Variants in MEGF8 observed in about 807,000 individuals in gnomAD.
MEGF8 encodes the protein multiple epidermal growth factor-like domains protein 8.
MEGF8 carries 156 observed loss-of-function variants against 302.9 expected under a neutral mutation model. That is an observed-to-expected ratio of 0.52 (90% confidence interval 0.45 to 0.59). The LOEUF (loss-of-function observed/expected upper bound fraction) is 0.59, where lower values mean the gene tolerates loss of function less well. MEGF8 is among the 20% of genes least tolerant of loss of function. The probability of loss-of-function intolerance (pLI) is 0.00; values close to 1 mark genes in which losing one functional copy is unlikely to be tolerated. For synonymous variants in MEGF8, 1,621 were observed against 1,660.5 expected, an observed-to-expected ratio of 0.98 and a Z score of 0.58; for missense variants, 3,345 against 3,964.5, an observed-to-expected ratio of 0.84 and a Z score of 4.20.
chr19:42,335,458 C>G (rs921013255), intron 5 of MEGF8, 73 bp downstream of exon 5: 13 of 1,353,810 alleles, frequency 9.6e-6, no homozygotes, highest in African/African-American at 1.4e-5. Flanking sequence ...CCGGAATGAT[C>G]CCCTATCACC....
In MEGF8 at chr19:42,352,286, C is replaced by T. The variant is rs373122915; in HGVS notation, c.3180C>T (p.Pro1060=). The T allele has an allele frequency of 1.9e-5, 30 of 1,568,540 alleles. No homozygotes were observed. The highest frequency in any genetic ancestry group is 1.7e-4 in the Middle Eastern group (1 of 5,916). ...GGGTGGGGGAGGGCCTGGGGCTTCC[C>T]GTGGCCCTCCCTGCCCGCTGGGCAT... is the stretch of plus-strand genomic sequence containing the variant. ...SLWVGEGLGL[P]VALPARWAYA... Residue 1060 remains proline, a synonymous_variant, in exon 19 of 42, where the codon CCC becomes CCT. Transcript: ENST00000251268. This position sits in a 1 kb window ranked among gnomAD's most constrained non-coding sequence, Gnocchi z 4.4.
intron 8 of MEGF8, among the ~76,000 whole-genome samples, chr19:42,338,485 G>T (rs538361879): frequency 6.6e-6 from 1 of 151,894 alleles, no homozygotes; most frequent in African/African-American, 2.4e-5. Flanking sequence ...CAGGTGATCC[G>T]CCCACCTCGG....
Position 42,333,761 on chromosome 19 carries a change from C to T in MEGF8, c.344C>T (p.Ser115Leu). ...STRPPPIEASSGKMLLHLFSD... is the reference protein window; with the variant it reads ...STRPPPIEASLGKMLLHLFSD... The stretch of plus-strand genomic sequence containing the variant: ...CGACCTCCGCCCATCGAAGCTTCCT[C>T]AGGCAAGGTTAGTGGGGATGGGGCC... The change falls in exon 2 of 42, where the codon TCA (serine) becomes TTA (leucine). Residue 115 changes from serine to leucine, a missense_variant. By Grantham distance (145) the Ser-to-Leu change is moderately radical (BLOSUM62 -2). Transcript: ENST00000251268. The T allele has an allele frequency of 1.2e-6, 2 of 1,613,788 alleles. No individual in the cohort carries two copies. Among genetic ancestry groups the T allele is most frequent in the Non-Finnish European group, 1.7e-6 (2 of 1,179,806 alleles).
chr19:42,359,976 C>T (rs2039508243), intron 31 of MEGF8, among the ~76,000 whole-genome samples: 2 of 151,254 alleles, frequency 1.3e-5, no homozygotes, highest in Admixed American at 6.6e-5. Flanking sequence ...ATTTAATTCC[C>T]TTTTTCTCTT....
rs1302406907 is a variant in MEGF8 at position 42,369,266 on chromosome 19, G to A, written c.6641+264G>A. On this transcript the variant is annotated intron_variant, in intron 37 of 41. Transcript: ENST00000251268. The surrounding 1 kb of genome is among the most constrained non-coding windows in gnomAD (Gnocchi z 5.7). ...AGGCCGAGGCAGGTGGATCACTTAA[G>A]GCCAGGAGTTCGAGACCAGTCCACA... Among the ~76,000 whole-genome samples, 1 of 152,174 alleles carries A rather than the reference G, an allele frequency of 6.6e-6. No homozygotes were observed. The highest frequency in any genetic ancestry group is 1.5e-5 in the Non-Finnish European group (1 of 68,032).
chr19:42,343,948 C>G lies in MEGF8; in HGVS notation c.1669-6C>G, dbSNP rs1406851529. The stretch of plus-strand genomic sequence containing the variant: ...CCTCCCCCTCTGTCCCCTTGCCTCC[C>G]TGCAGTACCACTTGGACTACTGCTC... On this transcript the variant is annotated splice_region_variant and splice_polypyrimidine_tract_variant and intron_variant, in intron 9 of 41. Coordinates refer to ENST00000251268, the MANE Select transcript of MEGF8 (RefSeq NM_001271938.2). The G allele has an allele frequency of 6.2e-7, 1 of 1,613,228 alleles. No individual in the cohort carries two copies. Among genetic ancestry groups the G allele is most frequent in the Non-Finnish European group, 8.5e-7 (1 of 1,179,442 alleles).
rs746615045 is a variant in MEGF8, at chr19:42,375,798, G to A, written c.7561G>A (p.Val2521Ile). 21 of 1,612,786 alleles carry A rather than the reference G, an allele frequency of 1.3e-5. No individual in the cohort carries two copies. Among genetic ancestry groups the A allele is most frequent in the Admixed American group, 3.3e-5 (2 of 59,972 alleles). ...GGTCCGTGTGGCCCCTGACACTGGC[G>A]TCCATACTGTACACATCCAGCCACC... ...FVVRVAPDTG[V>I]HTVHIQPPPA... The change falls in exon 42 of 42, where the codon GTC (valine) becomes ATC (isoleucine). Residue 2521 changes from valine (V) to isoleucine (I), a missense_variant. By Grantham distance (29) the Val-to-Ile change is conservative (BLOSUM62 3). Transcript: ENST00000251268. This position sits in a 1 kb window ranked among gnomAD's most constrained non-coding sequence, Gnocchi z 7.1.
chr19:42,349,080 G>T (rs2039331178), intron 13 of MEGF8, among the ~76,000 whole-genome samples: 2 of 152,108 alleles, frequency 1.3e-5, no homozygotes, highest in Non-Finnish European at 2.9e-5. Flanking sequence ...CAGGTGGATT[G>T]CCTGAACCCA....
Position 42,357,326 on chromosome 19 carries a change from G to T in MEGF8, c.4831-78G>T. 1 of 1,514,208 alleles carries T rather than the reference G, an allele frequency of 6.6e-7. No homozygotes were observed. The highest frequency in any genetic ancestry group is 9.0e-7 in the Non-Finnish European group (1 of 1,111,460). 93.8% of individuals were successfully genotyped at this position (1,514,208 alleles called of 1,614,324 possible). On this transcript the variant is annotated intron_variant, in intron 27 of 41. Coordinates refer to ENST00000251268, the MANE Select transcript of MEGF8 (RefSeq NM_001271938.2). The surrounding 1 kb of genome is among the most constrained non-coding windows in gnomAD (Gnocchi z 5.2). Reference sequence around the variant, plus strand: ...TTAGTACTTCAGGGAGGACTGTGGGGGGCTGAGGCTCGCTTCTACCCACAA... The same window carrying T: ...TTAGTACTTCAGGGAGGACTGTGGGTGGCTGAGGCTCGCTTCTACCCACAA...
chr19:42,349,302 GAAAAAA>G (rs1268884391), intron 13 of MEGF8, among the ~76,000 whole-genome samples, 191 bp from the exon 14 acceptor site: 1 of 57,026 alleles, frequency 1.8e-5, no homozygotes, highest in Non-Finnish European at 4.1e-5. Flanking sequence ...CCTGTCTCAA[GAAAAAA>G]AAAAAAAAAA....
At chr19:42,360,079 C>A (rs1011184131) in intron 31 of MEGF8, among the ~76,000 whole-genome samples, 1 of 148,836 alleles carries the variant, frequency 6.7e-6, no homozygotes, top group South Asian at 2.1e-4. Flanking sequence ...AGGTGAAAGT[C>A]ACATAACATA....
At chr19:42,341,739 G>T (rs1462434673) in intron 8 of MEGF8, among the ~76,000 whole-genome samples, 2 of 152,096 alleles carry the variant, frequency 1.3e-5, no homozygotes, top group Non-Finnish European at 1.5e-5. Flanking sequence ...GAACTACCAC[G>T]CCCAGACATA....
chr19:42,358,787 C>T lies in MEGF8; in HGVS notation c.5176C>T (p.Arg1726Ter), dbSNP rs760169784. 13 of 1,540,652 alleles carry T rather than the reference C, an allele frequency of 8.4e-6. No individual in the cohort carries two copies. The East Asian group carries it at 1.4e-4, about 16-fold the overall frequency. ...CCCAGGACGCCCCCACTGTCACTAG[C>T]GAGATCGTATGAGGAATGTGCGTGG... ...SLLAPSQGAK[R>*]DRMRNVRGSS... Residue 1726 changes from arginine to a stop codon, truncating the protein, a stop_gained and splice_region_variant, in exon 30 of 42, where the codon CGA (arginine) becomes TGA (stop). Coordinates refer to ENST00000251268, the MANE Select transcript of MEGF8 (RefSeq NM_001271938.2). LOFTEE classifies it high-confidence loss of function. This position sits in a 1 kb window ranked among gnomAD's most constrained non-coding sequence, Gnocchi z 4.4.
rs1177703345 is a variant in MEGF8, at chr19:42,357,524, G to C, written c.4951G>C (p.Glu1651Gln). The change falls in exon 28 of 42, where the codon GAG becomes CAG. Residue 1651 changes from glutamate (E) to glutamine (Q), a missense_variant. Physicochemically the swap from Glu to Gln is conservative, Grantham distance 29 (BLOSUM62 2). Coordinates refer to ENST00000251268, the MANE Select transcript of MEGF8 (RefSeq NM_001271938.2). The surrounding 1 kb of genome is among the most constrained non-coding windows in gnomAD (Gnocchi z 5.2). The stretch of plus-strand genomic sequence containing the variant: ...AAATGGCTTCAACCAGCAGCTGCTG[G>C]AGTACCAGCTGGCAACCGGCACCTG... ...PENGFNQQLL[E>Q]YQLATGTWVS... is the part of the protein sequence containing the mutation. 1.9e-6 allele frequency: 3 copies of C among 1,613,606 alleles called. No individual in the cohort carries two copies. The South Asian group carries it at 3.3e-5, about 18-fold the overall frequency.
chr19:42,349,180 G>T (rs2039332661), intron 13 of MEGF8, among the ~76,000 whole-genome samples: 1 of 151,950 alleles, frequency 6.6e-6, no homozygotes, highest in African/African-American at 2.4e-5. Context: ...TGCACCTGTA[G>T]TCCCAGCTAT....
In MEGF8 at chr19:42,326,291, C is replaced by A. The variant is rs777922711; in HGVS notation, c.48C>A (p.Ala16=). 1 of 1,561,530 alleles carries A rather than the reference C, an allele frequency of 6.4e-7. No homozygotes were observed. Among genetic ancestry groups the A allele is most frequent in the South Asian group, 1.2e-5 (1 of 84,350 alleles). The change falls in exon 1 of 42, where the codon GCC becomes GCA. Residue 16 remains alanine, a synonymous_variant. Transcript: ENST00000251268. ...VLAMALVLAL[A]VLGSLSPGAR... Reference sequence around the variant, plus strand: ...CCATGGCACTGGTTTTGGCCTTGGCCGTGCTGGGGTCGCTGTCCCCTGGGG... The same window carrying A: ...CCATGGCACTGGTTTTGGCCTTGGCAGTGCTGGGGTCGCTGTCCCCTGGGG...
Position 42,353,342 on chromosome 19 carries a change from A to G in MEGF8, c.3551-123A>G. On this transcript the variant is annotated intron_variant, in intron 20 of 41. Transcript: ENST00000251268. This position sits in a 1 kb window ranked among gnomAD's most constrained non-coding sequence, Gnocchi z 6.1. ...CTCTTGGGACTTGCTGTTTCCCCTG[A>G]TCTGGGCCTTGGTTTCTCACCTTTG... 8.2e-7 allele frequency: 1 copy of G among 1,215,096 alleles called. No individual in the cohort carries two copies. Among genetic ancestry groups the G allele is most frequent in the Non-Finnish European group, 1.1e-6 (1 of 873,216 alleles). The allele number at this position is 1,215,096 out of a possible 1,614,324, so 75.3% of individuals were successfully genotyped here. A position where few individuals can be genotyped will look rare whatever the true frequency, so the allele number is the denominator to read the frequency against.
Position 42,351,070 on chromosome 19 carries a change from G to A in MEGF8, c.2737-146G>A, listed in dbSNP as rs2039362555. 2.8e-6 allele frequency: 2 copies of A among 711,126 alleles called. No individual in the cohort carries two copies. The highest frequency in any genetic ancestry group is 4.7e-6 in the Non-Finnish European group (2 of 424,502). 44.1% of individuals were successfully genotyped at this position (711,126 alleles called of 1,614,324 possible). ...ACCCATGGGTGTCTGTGGTCGAAGG[G>A]AGGGGTCCAGAGACGCAGGCAGCTG... On this transcript the variant is annotated intron_variant, in intron 15 of 41. Transcript: ENST00000251268. This position sits in a 1 kb window ranked among gnomAD's most constrained non-coding sequence, Gnocchi z 5.6.
chr19:42,356,064 G>A lies in MEGF8; in HGVS notation c.4393-19G>A, dbSNP rs376448595. On this transcript the variant is annotated intron_variant, in intron 24 of 41. Transcript: ENST00000251268. The surrounding 1 kb of genome is among the most constrained non-coding windows in gnomAD (Gnocchi z 5.2). ...GGGCTGGTGATCAGGGCTCCCCTGAGTCCCTTGTCATCCCCCAGAGCCTGG... is the reference window on the plus strand; with the variant it reads ...GGGCTGGTGATCAGGGCTCCCCTGAATCCCTTGTCATCCCCCAGAGCCTGG... 1.3e-6 allele frequency: 2 copies of A among 1,591,254 alleles called. No individual in the cohort carries two copies. The highest frequency in any genetic ancestry group is 4.5e-5 in the East Asian group (2 of 44,428).
Sources: gnomAD v4.1 joint callset for allele counts (sites outside exome capture counted in the v4.1 genomes callset) on GRCh38, gnomAD v4.1.1 for gene constraint, Gnocchi (gnomAD v3.1) non-coding constraint, MANE v1.5 for transcripts, NCBI Gene and HGNC (gene_info 2026-07-23, HGNC 2026-07-21) for gene names.